COL6A6: variants seen among roughly 807,000 people sequenced by gnomAD.
COL6A6 encodes the protein collagen alpha-6(VI) chain.
In COL6A6, 183 loss-of-function variants were observed where a neutral mutation model predicts 208.6. The observed-to-expected ratio is 0.88, with a 90% CI of 0.78 to 0.99. COL6A6 has a LOEUF of 0.99. COL6A6 is among the 50% of genes least tolerant of loss of function. The pLI is 0.00. For synonymous variants in COL6A6, 973 were observed against 1,011.8 expected (o/e 0.96, Z 0.73); for missense variants, 2,816 against 2,815.2 (o/e 1.00, Z -0.01).
rs747094804 is a variant in COL6A6 at position 130,662,124 on chromosome 3, G to A, written c.6318G>A (p.Leu2106=). 1.4e-5 allele frequency: 22 copies of A among 1,613,880 alleles called. No homozygotes were observed. The highest frequency in any genetic ancestry group is 1.8e-5 in the Non-Finnish European group (21 of 1,179,896). Residue 2106 remains leucine (L), a synonymous_variant, in exon 35 of 37, where the codon TTG becomes TTA. Transcript: ENST00000358511. ...GGGAAATCTTAAAGAAGGAATCCTTGCGAGCCAAATGTCAGGGATATGCCT... is the reference window on the plus strand; with the variant it reads ...GGGAAATCTTAAAGAAGGAATCCTTACGAGCCAAATGTCAGGGATATGCCT... The part of the protein sequence containing the change: ...LDGEILKKES[L]RAKCQGYALF...
rs749921790 is a variant in COL6A6, at chr3:130,638,280, TA to T, written c.5091+2522del. 4.1e-4 allele frequency among the ~76,000 whole-genome samples: 63 copies of T among 152,346 alleles called. 1 individual carries two copies. Among genetic ancestry groups the T allele is most frequent in the Admixed American group, 1.0e-3 (16 of 15,306 alleles). On this transcript the variant is annotated intron_variant, in intron 28 of 36. Coordinates refer to ENST00000358511, the MANE Select transcript of COL6A6 (RefSeq NM_001102608.3). Reference sequence around the variant, plus strand: ...CTTACCTTCTTACTTTTTTGATTTATAAATTTTAAGCATTATGAACTGATTC... The same window carrying T: ...CTTACCTTCTTACTTTTTTGATTTATAATTTTAAGCATTATGAACTGATTC...
At chr3:130,597,489 TGATGAAG>T (rs2063885243) in intron 18 of COL6A6, among the ~76,000 whole-genome samples, 1 of 152,246 alleles carries the variant, frequency 6.6e-6, no homozygotes, top group South Asian at 2.1e-4. Context: ...ACTTATTGAT[TGATGAAG>T]GAAATCTGAG....
At chr3:130,555,287 C>T (rs1340904707) in intron 1 of COL6A6, among the ~76,000 whole-genome samples, 3 of 152,184 alleles carry the variant, frequency 2.0e-5, no homozygotes, top group Non-Finnish European at 2.9e-5. Flanking sequence ...GTTGAACTCA[C>T]CCCTTCCCCA....
chr3:130,548,490 T>C (rs1436534734), intron 1 of COL6A6, among the ~76,000 whole-genome samples: 1 of 152,208 alleles, frequency 6.6e-6, no homozygotes, highest in African/African-American at 2.4e-5. Context: ...TATTTCTTCC[T>C]CCAGGTCAGT....
intron 1 of COL6A6, among the ~76,000 whole-genome samples, chr3:130,543,393 C>T (rs1316656123): frequency 6.6e-6 from 1 of 152,144 alleles, no homozygotes; most frequent in African/African-American, 2.4e-5. Flanking sequence ...TGTTTCTATT[C>T]GATGCCCTTT....
intron 36 of COL6A6, among the ~76,000 whole-genome samples, chr3:130,666,193 G>C (rs1418857415): frequency 6.6e-6 from 1 of 152,144 alleles, no homozygotes; most frequent in East Asian, 1.9e-4. Flanking sequence ...GTAATTGTGT[G>C]AATCTTAATT....
chr3:130,644,769 A>G (rs148915735), intron 31 of COL6A6, among the ~76,000 whole-genome samples: 238 of 152,350 alleles, frequency 1.6e-3, no homozygotes, highest in African/African-American at 5.0e-3. Context: ...CCGCTGATTT[A>G]TGGCTGTATG....
intron 33 of COL6A6, among the ~76,000 whole-genome samples, chr3:130,653,853 C>A (rs1320611402): frequency 6.6e-6 from 1 of 152,118 alleles, no homozygotes; most frequent in Non-Finnish European, 1.5e-5. Context: ...GGTGAGAGTG[C>A]AGACCCCCTG....
intron 7 of COL6A6, among the ~76,000 whole-genome samples, chr3:130,573,033 C>A (rs1440738413): frequency 6.6e-6 from 1 of 152,156 alleles, no homozygotes; most frequent in Non-Finnish European, 1.5e-5. Context: ...TATTGCATTG[C>A]TTGTTCACAA....
intron 18 of COL6A6, among the ~76,000 whole-genome samples, chr3:130,597,547 G>T (rs989374646): frequency 1.3e-5 from 2 of 152,204 alleles, no homozygotes; most frequent in Non-Finnish European, 1.5e-5. Flanking sequence ...CACTCAGCAG[G>T]ACTGGATAAT....
At chr3:130,610,374 G>A (rs1342606808) in intron 22 of COL6A6, among the ~76,000 whole-genome samples, 1 of 152,104 alleles carries the variant, frequency 6.6e-6, no homozygotes, top group African/African-American at 2.4e-5. Flanking sequence ...AATGTAGAAA[G>A]CAATATGGAA....
intron 1 of COL6A6, among the ~76,000 whole-genome samples, chr3:130,532,403 C>T (rs934891428): frequency 6.6e-5 from 10 of 152,208 alleles, no homozygotes; most frequent in Admixed American, 3.3e-4. Context: ...ACCTTGGGCT[C>T]GCCCACCTGT....
chr3:130,671,046 G>A (rs1264958623), intron 36 of COL6A6, among the ~76,000 whole-genome samples: 1 of 152,138 alleles, frequency 6.6e-6, no homozygotes, highest in Non-Finnish European at 1.5e-5. Flanking sequence ...TGGCTGTTGG[G>A]AAAAGGAACT....
Position 130,661,736 on chromosome 3 carries a change from G to C in COL6A6, c.5930G>C (p.Gly1977Ala), listed in dbSNP as rs767232037. 2.2e-5 allele frequency: 36 copies of C among 1,613,770 alleles called. No homozygotes were observed. The highest frequency in any genetic ancestry group is 3.0e-5 in the Non-Finnish European group (35 of 1,179,874). Residue 1977 changes from glycine (G) to alanine (A), a missense_variant, in exon 35 of 37, where the codon GGA becomes GCA. By Grantham distance (60) the Gly-to-Ala change is moderately conservative. Transcript: ENST00000358511. ...AFLLDASRNM[G>A]SAEFEDIRAF... Reference sequence around the variant, plus strand: ...CTTCTGGATGCCTCCCGGAACATGGGAAGTGCTGAATTTGAAGACATAAGA... The same window carrying C: ...CTTCTGGATGCCTCCCGGAACATGGCAAGTGCTGAATTTGAAGACATAAGA...
rs1028586793 is a variant in COL6A6, at chr3:130,675,685, G to C, written c.*288G>C. ...TATAATTTGAAGGTAAAATTTATAT[G>C]ATGTATGCATATGTGTACATGGGTC... On this transcript the variant is annotated 3_prime_UTR_variant, in exon 37 of 37. Transcript: ENST00000358511. 7.5e-5 allele frequency: 21 copies of C among 280,022 alleles called. No individual in the cohort carries two copies. Among genetic ancestry groups the C allele is most frequent in the Admixed American group, 5.1e-4 (11 of 21,524 alleles). The allele number at this position is 280,022 out of a possible 1,614,324, so 17.3% of individuals were successfully genotyped here.
At chr3:130,611,754 C>T (rs1323626877) in intron 23 of COL6A6, among the ~76,000 whole-genome samples, 1 of 152,136 alleles carries the variant, frequency 6.6e-6, no homozygotes, top group Non-Finnish European at 1.5e-5. Context: ...AGGCTATTTG[C>T]ATAAACTTGT....
intron 1 of COL6A6, among the ~76,000 whole-genome samples, chr3:130,554,759 G>A (rs1334156918): frequency 1.3e-5 from 2 of 152,200 alleles, no homozygotes; most frequent in Non-Finnish European, 2.9e-5. Flanking sequence ...GATGCAGGGG[G>A]TGGCCATGGG....
chr3:130,666,015 GA>G (rs2066066359), intron 36 of COL6A6, among the ~76,000 whole-genome samples: 1 of 152,118 alleles, frequency 6.6e-6, no homozygotes, highest in Admixed American at 6.5e-5. Flanking sequence ...CCTCAGATAG[GA>G]TGTTTAATCC....
At position 130,563,411 on chromosome 3, in the gene COL6A6, G is replaced by A; in HGVS notation, c.408G>A (p.Val136=). Residue 136 remains valine (V), a synonymous_variant, in exon 3 of 37, where the codon GTG becomes GTA. Coordinates refer to ENST00000358511, the MANE Select transcript of COL6A6 (RefSeq NM_001102608.3). ...RDKKQFPPIL[V]VLASSESEDN... ...AGAAACAGTTTCCCCCAATTCTAGT[G>A]GTCCTGGCTTCATCTGAGTCTGAGG... 1 of 1,613,992 alleles carries A rather than the reference G, an allele frequency of 6.2e-7. No individual in the cohort carries two copies. The highest frequency in any genetic ancestry group is 8.5e-7 in the Non-Finnish European group (1 of 1,179,890).
Sources: gnomAD v4.1 joint callset for allele counts (sites outside exome capture counted in the v4.1 genomes callset) on GRCh38, gnomAD v4.1.1 for gene constraint, MANE v1.5 for transcripts, NCBI Gene and HGNC (gene_info 2026-07-23, HGNC 2026-07-21) for gene names.